Variants in EPHX3 observed in about 807,000 individuals in gnomAD.
EPHX3 encodes abhydrolase domain containing 9.
A neutral mutation model predicts 40.2 loss-of-function variants in EPHX3; 39 were observed. That is an observed-to-expected ratio of 0.97 (90% CI 0.75 to 1.27). The LOEUF (loss-of-function observed/expected upper bound fraction) is 1.27, where lower values mean the gene tolerates loss of function less well. Ranked by LOEUF, EPHX3 falls within the 50% of genes most tolerant of loss-of-function variation. The pLI is 0.00. For missense variants in EPHX3, 442 were observed against 474.0 expected, an observed-to-expected ratio of 0.93 and a Z score of 0.63; for synonymous variants, 213 against 209.7, an observed-to-expected ratio of 1.02 and a Z score of -0.14.
chr19:15,233,648 G>A (rs1201449347), upstream of EPHX3, among the ~76,000 whole-genome samples: 1 of 152,232 alleles, frequency 6.6e-6, no homozygotes, highest in African/African-American at 2.4e-5. Context: ...TGGTTCCCCC[G>A]AGGAGGACCC....
At position 15,229,630 on chromosome 19, in the gene EPHX3, C is replaced by T. The variant is rs1280338259; in HGVS notation, c.616+1332G>A. On this transcript the variant is annotated intron_variant, in intron 4 of 6. Transcript: ENST00000221730. ...AAAAAAGGGGCCAGGCGTGGTGGCT[C>T]ACGCCTATACTCCCAGCACTTTGAG... 6.1e-5 allele frequency among the ~76,000 whole-genome samples: 9 copies of T among 148,728 alleles called. 1 individual carries two copies. Among genetic ancestry groups the T allele is most frequent in the Admixed American group, 4.0e-4 (6 of 14,940 alleles).
intron 4 of EPHX3, among the ~76,000 whole-genome samples, chr19:15,229,610 A>AAG (rs1555733315): frequency 1.0e-4 from 15 of 145,762 alleles, no homozygotes; most frequent in Non-Finnish European, 1.2e-4. Context: ...AAAAAAAAAA[A>AAG]GGGGCCAGGC....
rs1320331267 is a variant in EPHX3, at chr19:15,231,417, G to A, written c.330-21C>T. 3 of 1,611,478 alleles carry A rather than the reference G, an allele frequency of 1.9e-6. No homozygotes were observed. The African/African-American group carries it at 4.0e-5, about 22-fold the overall frequency. ...AGAACCTGCCAGGCGGGCGAGGGAG[G>A]GAGGCTGAGTCAGGGCCCTCAGGTT... On this transcript the variant is annotated intron_variant, in intron 2 of 6. Transcript: ENST00000221730.
At chr19:15,232,867 A>G (rs187321466), upstream of EPHX3, 1 of 151,560 alleles carries the variant, frequency 6.6e-6, no homozygotes, top group African/African-American at 2.4e-5. Context: ...ACAACAGGGA[A>G]ACTCCGTCTC....
upstream of EPHX3, chr19:15,232,553 ACT>A (rs145364311): frequency 0.17 from 109,779 of 650,370 alleles, 11,821 homozygotes; most frequent in African/African-American, 0.4. Context: ...GCCCAGGAAG[ACT>A]CAGCAGCGGG....
upstream of EPHX3, among the ~76,000 whole-genome samples, chr19:15,235,270 G>A (rs2047183569): frequency 6.6e-6 from 1 of 151,918 alleles, no homozygotes; most frequent in South Asian, 2.1e-4. Flanking sequence ...CCTCCCAAAA[G>A]TGCTGGGATT....
rs1240516971 is a variant in EPHX3 at position 15,227,467 on chromosome 19, C to T, written c.1053G>A (p.Met351Ile). Reference protein sequence around the residue: ...QSNPQEMHQYMWAFLQDLLD With the variant: ...QSNPQEMHQYIWAFLQDLLD ...CCAGCAGGTCTTGCAAGAAGGCCCA[C>T]ATGTACTGGTGCATCTCCTGGGGGT... The change falls in exon 7 of 7, where the codon ATG (methionine) becomes ATA (isoleucine). Residue 351 changes from methionine to isoleucine, a missense_variant. Physicochemically the swap from Met to Ile is conservative, Grantham distance 10. Coordinates refer to ENST00000221730, the MANE Select transcript of EPHX3 (RefSeq NM_024794.3). 2 of 1,614,090 alleles carry T rather than the reference C, an allele frequency of 1.2e-6. No homozygotes were observed. The highest frequency in any genetic ancestry group is 1.3e-5 in the African/African-American group (1 of 74,940).
rs909878973 is a variant in EPHX3 at position 15,232,409 on chromosome 19, A to T, written c.-198T>A. The T allele has an allele frequency of 7.4e-7, 1 of 1,358,140 alleles. No individual in the cohort carries two copies. Among genetic ancestry groups the T allele is most frequent in the African/African-American group, 1.6e-5 (1 of 64,446 alleles). 84.1% of individuals were successfully genotyped at this position (1,358,140 alleles called of 1,614,324 possible). On this transcript the variant is annotated 5_prime_UTR_variant, in exon 1 of 7. Transcript: ENST00000221730. ...AGAGCGCACCACTCACCTGAGTGCC[A>T]GGTAAACACCTGGGCGCGACAGGGA...
Position 15,231,238 on chromosome 19 carries a change from C to T in EPHX3, c.487+1G>A. The T allele has an allele frequency of 2.5e-6, 4 of 1,613,914 alleles. No homozygotes were observed. Among genetic ancestry groups the T allele is most frequent in the South Asian group, 2.2e-5 (2 of 91,072 alleles). On this transcript the variant is annotated splice_donor_variant, in intron 3 of 6. Coordinates refer to ENST00000221730, the MANE Select transcript of EPHX3 (RefSeq NM_024794.3). LOFTEE classifies it high-confidence loss of function. ...CGCCTAGGATGGGGGTATGTCTGCA[C>T]CCAGGCCTAGGATGACATCTTTGAT... is the stretch of plus-strand genomic sequence containing the variant.
At chr19:15,233,080 G>C (rs922082104), upstream of EPHX3, 3 of 150,662 alleles carry the variant, frequency 2.0e-5, no homozygotes, top group African/African-American at 7.3e-5. Context: ...GATCCTAGAG[G>C]AGGTGAGGCC....
Position 15,231,853 on chromosome 19 carries a change from G to T in EPHX3, c.252C>A (p.Gly84=). The part of the protein sequence containing the change: ...EHGFLNLKSS[G]LRLHYVSAGR... ...CAGCCGAGACATAGTGCAGACGCAG[G>T]CCCGAGCTCTAGGGGGAGGGCACAG... The change falls in exon 2 of 7, where the codon GGC becomes GGA. Residue 84 remains glycine, a synonymous_variant. Coordinates refer to ENST00000221730, the MANE Select transcript of EPHX3 (RefSeq NM_024794.3). The T allele has an allele frequency of 6.2e-7, 1 of 1,613,856 alleles. No individual in the cohort carries two copies. Among genetic ancestry groups the T allele is most frequent in the Non-Finnish European group, 8.5e-7 (1 of 1,180,010 alleles).
In EPHX3 at chr19:15,227,894, G is replaced by T; in HGVS notation, c.734C>A (p.Thr245Asn). The change falls in exon 6 of 7, where the codon ACC (threonine) becomes AAC (asparagine). Residue 245 changes from threonine (T) to asparagine (N), a missense_variant. Coordinates refer to ENST00000221730, the MANE Select transcript of EPHX3 (RefSeq NM_024794.3). ...SMSDFQILKTTLTHRKTGIPC... is the reference protein window; with the variant it reads ...SMSDFQILKTNLTHRKTGIPC... ...GATGCCTGTCTTGCGGTGGGTGAGGGTGGTCTTCAGAATCTAGGTACACAG... is the reference window on the plus strand; with the variant it reads ...GATGCCTGTCTTGCGGTGGGTGAGGTTGGTCTTCAGAATCTAGGTACACAG... 6.2e-7 allele frequency: 1 copy of T among 1,614,070 alleles called. No individual in the cohort carries two copies.
upstream of EPHX3, chr19:15,236,975 C>T (rs1436456283): frequency 5.0e-6 from 1 of 199,720 alleles, no homozygotes; most frequent in African/African-American, 2.4e-5. Context: ...AGTGGGTTCT[C>T]ATGGCACGCG....
rs1037920334 is a variant in EPHX3, at chr19:15,227,876, G to T, written c.752C>A (p.Thr251Lys). 3.1e-6 allele frequency: 5 copies of T among 1,614,140 alleles called. No individual in the cohort carries two copies. In the Admixed American group the frequency reaches 8.3e-5, roughly 27 times the overall value. ...ILKTTLTHRK[T>K]GIPCLTPSEL... Reference sequence around the variant, plus strand: ...GCTGGGGGTCAAGCATGGGATGCCTGTCTTGCGGTGGGTGAGGGTGGTCTT... The same window carrying T: ...GCTGGGGGTCAAGCATGGGATGCCTTTCTTGCGGTGGGTGAGGGTGGTCTT... The change falls in exon 6 of 7, where the codon ACA becomes AAA. Residue 251 changes from threonine to lysine, a missense_variant. Transcript: ENST00000221730.
At chr19:15,230,878 T>C in intron 4 of EPHX3, 84 bp downstream of exon 4, 3 of 1,558,630 alleles carry the variant, frequency 1.9e-6, no homozygotes, top group Non-Finnish European at 2.6e-6. Flanking sequence ...TGTTGACAGG[T>C]ATACAGAGAA....
intron 4 of EPHX3, 47 bp from the exon 5 acceptor site, chr19:15,228,147 T>A (rs375536127): frequency 2.5e-4 from 374 of 1,477,146 alleles, no homozygotes; most frequent in Non-Finnish European, 3.2e-4. Context: ...GCTCCTGGGG[T>A]GGCCCCATAC....
At chr19:15,233,518 G>T (rs1199003505), upstream of EPHX3, 3 of 152,260 alleles carry the variant, frequency 2.0e-5, no homozygotes, top group East Asian at 5.8e-4. Context: ...ATTGGACGGC[G>T]GCGGCCACTG....
At position 15,232,057 on chromosome 19, in the gene EPHX3, CG is replaced by C; in HGVS notation, c.154del (p.Arg52GlyfsTer16). ...CCGACGGCGCCCGCAGCAGCCGCGC[CG>C]GGGCCGGCACAGCACGTGCGTGAGC... is the stretch of plus-strand genomic sequence containing the variant. ...IALTHVLCRP[R>X]RGCCGRRRSA... On this transcript the variant is annotated frameshift_variant, in exon 1 of 7. Coordinates refer to ENST00000221730, the MANE Select transcript of EPHX3 (RefSeq NM_024794.3). LOFTEE classifies it high-confidence loss of function. 6.3e-7 allele frequency: 1 copy of C among 1,578,520 alleles called. No homozygotes were observed. Among genetic ancestry groups the C allele is most frequent in the Non-Finnish European group, 8.6e-7 (1 of 1,168,782 alleles).
chr19:15,232,290 GGGCCCATCGCCCTT>G lies in EPHX3; in HGVS notation c.-93_-80del. The G allele has an allele frequency of 8.5e-6, 12 of 1,409,532 alleles. No individual in the cohort carries two copies. The highest frequency in any genetic ancestry group is 1.1e-5 in the Non-Finnish European group (12 of 1,095,348). The allele number at this position is 1,409,532 out of a possible 1,614,324, so 87.3% of individuals were successfully genotyped here. A position where few individuals can be genotyped will look rare whatever the true frequency, so the allele number is the denominator to read the frequency against. ...GCGGCGAAGCGGTGTCAGGGCTCAG[GGGCCCATCGCCCTT>G]GGCCTGGGGCCCCTCCGTGCCGTCG... On this transcript the variant is annotated 5_prime_UTR_variant, in exon 1 of 7. It removes an upstream start codon present in the reference 5' UTR. Transcript: ENST00000221730.
Sources: gnomAD v4.1 joint callset for allele counts (sites outside exome capture counted in the v4.1 genomes callset) on GRCh38, gnomAD v4.1.1 for gene constraint, MANE v1.5 for transcripts, NCBI Gene and HGNC (gene_info 2026-07-23, HGNC 2026-07-21) for gene names.